TNRC6B: variants seen among roughly 807,000 people sequenced by gnomAD.
The protein encoded by TNRC6B is trinucleotide repeat-containing gene 6B protein.
Under a neutral mutation model 203.6 loss-of-function variants are expected in TNRC6B, and 52 were observed. The ratio of observed to expected loss-of-function variants is 0.26; its 90% CI spans 0.20 to 0.32. TNRC6B has a LOEUF of 0.32. TNRC6B is among the 10% of genes least tolerant of loss of function. TNRC6B has a pLI of 1.00. For synonymous variants in TNRC6B, 838 were observed against 845.7 expected (o/e 0.99, Z 0.16); for missense variants, 1,923 against 2,286.2 (o/e 0.84, Z 3.24).
intron 1 of TNRC6B, among the ~76,000 whole-genome samples, chr22:40,215,502 T>G (rs1176517802): frequency 6.6e-6 from 1 of 152,190 alleles, no homozygotes; most frequent in East Asian, 1.9e-4. Flanking sequence ...ACTTGAGCAA[T>G]GCTTTTTTGC....
In TNRC6B at chr22:40,261,845, G is replaced by C; in HGVS notation, c.129G>C (p.Thr43=). The C allele has an allele frequency of 6.4e-7, 1 of 1,569,808 alleles. No individual in the cohort carries two copies. The highest frequency in any genetic ancestry group is 1.1e-5 in the South Asian group (1 of 88,676). ...TEQKTKVPEV[T]KPSLSQPTAA... ...CCTCTCTTTTAGTGCCCGAAGTGAC[G>C]AAACCAAGTTTAAGCCAACCAACGG... The change falls in exon 4 of 23, where the codon ACG becomes ACC. Residue 43 remains threonine, a synonymous_variant. Coordinates refer to ENST00000454349, the MANE Select transcript of TNRC6B (RefSeq NM_001162501.2).
chr22:40,054,781 T>C (rs2067779321), intron 1 of TNRC6B, among the ~76,000 whole-genome samples: 1 of 151,904 alleles, frequency 6.6e-6, no homozygotes, highest in East Asian at 1.9e-4. Context: ...CTCATGCATG[T>C]AATGCCAGCA....
intron 12 of TNRC6B, among the ~76,000 whole-genome samples, chr22:40,288,733 G>T (rs2070825332): frequency 1.3e-5 from 2 of 151,570 alleles, no homozygotes; most frequent in Non-Finnish European, 2.9e-5. Context: ...AGTAGAGACG[G>T]CATTTCACTA....
intron 1 of TNRC6B, among the ~76,000 whole-genome samples, chr22:40,240,035 G>C (rs1346858216): frequency 6.6e-6 from 1 of 152,018 alleles, no homozygotes. Context: ...GTTTCGCCAT[G>C]TTGGCTAGGC....
intron 7 of TNRC6B, among the ~76,000 whole-genome samples, chr22:40,276,623 CAG>C (rs1449966582): frequency 1.3e-5 from 2 of 152,198 alleles, no homozygotes; most frequent in Non-Finnish European, 1.5e-5. Context: ...GTGAAACAAA[CAG>C]AGGAAGCACT....
At chr22:40,075,920 A>G (rs2068009390) in intron 1 of TNRC6B, among the ~76,000 whole-genome samples, 1 of 152,240 alleles carries the variant, frequency 6.6e-6, no homozygotes, top group Admixed American at 6.5e-5. Context: ...CTATTGTCAT[A>G]CATTTTACTT....
Position 40,178,131 on chromosome 22 carries a change from A to G in TNRC6B, c.-5A>G, listed in dbSNP as rs1476297201. On this transcript the variant is annotated 5_prime_UTR_variant, in exon 1 of 23. Transcript: ENST00000454349. ...ATTTGCTGGATTTAAGCACTGCTGC[A>G]CTTTATGAGGTTGGTAAATATTTTC... The G allele has an allele frequency of 6.2e-7, 1 of 1,613,508 alleles. No individual in the cohort carries two copies. The highest frequency in any genetic ancestry group is 1.3e-5 in the African/African-American group (1 of 74,886).
At chr22:40,183,991 AAC>A (rs1293646073) in intron 1 of TNRC6B, among the ~76,000 whole-genome samples, 1 of 152,162 alleles carries the variant, frequency 6.6e-6, no homozygotes, top group Non-Finnish European at 1.5e-5. Flanking sequence ...CACCGTGCAC[AAC>A]AGCCAGTTTT....
At chr22:40,320,197 A>G (rs1398830455) in intron 21 of TNRC6B, among the ~76,000 whole-genome samples, 1 of 152,170 alleles carries the variant, frequency 6.6e-6, no homozygotes, top group Non-Finnish European at 1.5e-5. Flanking sequence ...TAAGATCTTG[A>G]TGGGACAGGC....
chr22:40,301,188 G>A lies in TNRC6B; in HGVS notation c.3975G>A (p.Gln1325=), dbSNP rs998281972. Residue 1325 remains glutamine (Q), a synonymous_variant, in exon 15 of 23, where the codon CAG becomes CAA. Transcript: ENST00000454349. ...RMVSALQQQQ[Q]QQQRQPGMKH... ...TGAGTGCACTGCAGCAGCAGCAGCA[G>A]CAGCAGCAGAGGCAGCCAGGCATGA... 1.3e-6 allele frequency: 2 copies of A among 1,553,616 alleles called. No individual in the cohort carries two copies. The highest frequency in any genetic ancestry group is 8.7e-7 in the Non-Finnish European group (1 of 1,148,126).
At chr22:40,263,848 A>T (rs2070426866) in intron 4 of TNRC6B, among the ~76,000 whole-genome samples, 2 of 152,090 alleles carry the variant, frequency 1.3e-5, no homozygotes, top group Non-Finnish European at 2.9e-5. Flanking sequence ...GCAGATGCTT[A>T]CTCCGCAGCA....
At chr22:40,174,943 G>A (rs1021366559), upstream of TNRC6B, among the ~76,000 whole-genome samples, 2 of 151,916 alleles carry the variant, frequency 1.3e-5, no homozygotes, top group African/African-American at 4.8e-5. Flanking sequence ...AATCTATTAT[G>A]TCTGGAAACA....
intron 1 of TNRC6B, among the ~76,000 whole-genome samples, chr22:40,114,335 T>G (rs1420744320): frequency 6.6e-6 from 1 of 152,190 alleles, no homozygotes; most frequent in Non-Finnish European, 1.5e-5. Flanking sequence ...ATTTTCATTT[T>G]TTTGAGACTG....
At chr22:40,217,258 C>T (rs1245505492) in intron 1 of TNRC6B, among the ~76,000 whole-genome samples, 1 of 152,148 alleles carries the variant, frequency 6.6e-6, no homozygotes, top group Non-Finnish European at 1.5e-5. Flanking sequence ...CGTAGCAGTT[C>T]CCAAATTATT....
At chr22:40,251,137 T>G in intron 2 of TNRC6B, 42 bp from the exon 3 acceptor site, 5 of 1,515,212 alleles carry the variant, frequency 3.3e-6, no homozygotes, top group Non-Finnish European at 4.4e-6. Flanking sequence ...AGTACTGAAT[T>G]AAAAAGCAAA....
intron 9 of TNRC6B, 87 bp downstream of exon 9, chr22:40,278,131 G>T: frequency 1.0e-6 from 1 of 983,946 alleles, no homozygotes; most frequent in East Asian, 2.6e-5. Flanking sequence ...TTAGGGATAG[G>T]TGCAGTTCAG....
chr22:40,236,940 G>A (rs569157167), intron 1 of TNRC6B, among the ~76,000 whole-genome samples: 4 of 152,170 alleles, frequency 2.6e-5, no homozygotes, highest in South Asian at 2.1e-4. Context: ...CGAGGCGGGC[G>A]GATTATCTGA....
intron 4 of TNRC6B, among the ~76,000 whole-genome samples, chr22:40,162,337 G>A (rs1221752129): frequency 2.0e-5 from 3 of 152,162 alleles, no homozygotes; most frequent in Non-Finnish European, 1.5e-5. Context: ...CTCGTGATCC[G>A]CCTGCCTCGG....
upstream of TNRC6B, among the ~76,000 whole-genome samples, chr22:40,173,209 GCCTCAGGTTC>G (rs963009593): frequency 5.9e-5 from 9 of 151,914 alleles, no homozygotes; most frequent in African/African-American, 2.2e-4. Flanking sequence ...CAATTCTCCT[GCCTCAGGTTC>G]CCGAGTAGCT....
Sources: allele counts gnomAD v4.1 joint callset (sites outside exome capture counted in the v4.1 genomes callset), GRCh38; gene constraint gnomAD v4.1.1; transcripts MANE v1.5; gene names NCBI Gene and HGNC (gene_info 2026-07-23, HGNC 2026-07-21).